ZNF674: variants seen among roughly 807,000 people sequenced by gnomAD.
ZNF674 encodes the protein zinc finger protein 674, also known as zinc finger family member 674.
A neutral mutation model predicts 7.0 loss-of-function variants in ZNF674; 2 were observed. The ratio of observed to expected loss-of-function variants is 0.29; its 90% CI spans 0.12 to 0.90. The LOEUF is 0.90. ZNF674 is among the 40% of genes least tolerant of loss of function. The probability of loss-of-function intolerance (pLI) is 0.57; values close to 1 mark genes in which losing one functional copy is unlikely to be tolerated. For synonymous variants in ZNF674, 103 were observed against 145.2 expected, an observed-to-expected ratio of 0.71 and a Z score of 2.09; for missense variants, 297 against 415.5, an observed-to-expected ratio of 0.71 and a Z score of 2.48.
intron 5 of ZNF674, among the ~76,000 whole-genome samples, chrX:46,509,066 G>T (rs1424596977): frequency 1.8e-5 from 2 of 109,262 alleles, no homozygotes; most frequent in African/African-American, 6.7e-5. Context: ...AAATGGTGCT[G>T]GGAAAACTGC....
At chrX:46,529,735 A>G (rs1281583267) in intron 3 of ZNF674, 2 of 109,737 alleles carry the variant, frequency 1.8e-5, no homozygotes, top group Non-Finnish European at 3.8e-5. Flanking sequence ...GAGAAAAGCG[A>G]CACTTAGACA....
chrX:46,506,415 G>GAA (rs34632622), intron 5 of ZNF674, among the ~76,000 whole-genome samples: 21,820 of 90,106 alleles, frequency 0.24, 2,542 homozygotes, highest in Middle Eastern at 0.37. Context: ...CTTTGCATGG[G>GAA]AAAAAAAAAA....
chrX:46,533,853 T>TACAC (rs1182034444), intron 3 of ZNF674, among the ~76,000 whole-genome samples: 2 of 73,827 alleles, frequency 2.7e-5, no homozygotes, highest in African/African-American at 1.2e-4. Flanking sequence ...TATATATATA[T>TACAC]ACACACACAC....
chrX:46,524,186 A>G (rs909295566), intron 5 of ZNF674, among the ~76,000 whole-genome samples: 2 of 112,425 alleles, frequency 1.8e-5, no homozygotes, highest in African/African-American at 6.5e-5. Context: ...AGAGGAGGAA[A>G]CACTTCCCAA....
chrX:46,506,486 G>A (rs1420542055), intron 5 of ZNF674, among the ~76,000 whole-genome samples: 1 of 111,050 alleles, frequency 9.0e-6, no homozygotes, highest in African/African-American at 3.3e-5. Flanking sequence ...TGGTGGCAGT[G>A]ATCCCATATG....
In ZNF674 at chrX:46,499,987, G is replaced by A; in HGVS notation, c.1587C>T (p.Phe529=). Residue 529 remains phenylalanine, a synonymous_variant, in exon 6 of 6, where the codon TTC becomes TTT. Transcript: ENST00000683375. ...GCACAATGAGAGTTGATTTCACACT[G>A]AAGGCCTTCCCACATTCACTACATT... is the stretch of plus-strand genomic sequence containing the variant. ...PYKCSECGKA[F]SVKSTLIVHH... The A allele has an allele frequency of 8.3e-7, 1 of 1,207,321 alleles. No homozygotes were observed.
At chrX:46,523,319 CTTTAT>C (rs768330470) in intron 5 of ZNF674, 20 of 117,168 alleles carry the variant, frequency 1.7e-4, no homozygotes, top group Admixed American at 2.9e-4. Context: ...ATGAAAAAAA[CTTTAT>C]TTTATTTTAT....
intron 1 of ZNF674, among the ~76,000 whole-genome samples, chrX:46,544,900 G>A (rs775960704): frequency 9.0e-6 from 1 of 111,427 alleles, no homozygotes; most frequent in African/African-American, 3.3e-5. Context: ...ATCCATCAGT[G>A]AACAAAATCT....
intron 5 of ZNF674, among the ~76,000 whole-genome samples, chrX:46,509,349 G>A (rs1260527999): frequency 1.9e-3 from 205 of 110,434 alleles, no homozygotes; most frequent in African/African-American, 5.0e-3. Context: ...GAGTGAACAG[G>A]AAACCTACAA....
chrX:46,545,403 G>C lies in ZNF674; in HGVS notation c.-173C>G, dbSNP rs1045376813. ...CCGACAGCCTGAAACCTCAGGGGCG[G>C]ATGACAACAGCCAGTGTGAACGAAG... On this transcript the variant is annotated 5_prime_UTR_variant, in exon 1 of 6. The change creates a new upstream start codon in the 5' untranslated region. Transcript: ENST00000683375. 2 of 112,813 alleles carry C rather than the reference G, an allele frequency of 1.8e-5. No individual in the cohort carries two copies. The highest frequency in any genetic ancestry group is 6.4e-5 in the African/African-American group (2 of 31,086). The allele number at this position is 112,813 out of a possible 1,213,427, so 9.3% of individuals were successfully genotyped here.
intron 5 of ZNF674, chrX:46,517,792 T>C (rs1040209336): frequency 9.0e-6 from 1 of 111,632 alleles, no homozygotes; most frequent in Non-Finnish European, 1.9e-5. Context: ...TATACTAAAA[T>C]TGGAACAATA....
intron 5 of ZNF674, among the ~76,000 whole-genome samples, chrX:46,519,859 C>T (rs370111574): frequency 1.8e-5 from 2 of 111,129 alleles, no homozygotes; most frequent in South Asian, 7.4e-4. Flanking sequence ...AACAGGTGAA[C>T]GGTTAAACAA....
chrX:46,518,487 T>A (rs1445539523), intron 5 of ZNF674, among the ~76,000 whole-genome samples: 1 of 110,463 alleles, frequency 9.1e-6, no homozygotes, highest in East Asian at 2.8e-4. Flanking sequence ...CACACTTCTG[T>A]AGTCCAAGCT....
intron 5 of ZNF674, among the ~76,000 whole-genome samples, chrX:46,515,743 C>T (rs186695997): frequency 1.4e-4 from 16 of 111,333 alleles, no homozygotes; most frequent in South Asian, 3.8e-4. Context: ...TGAGTAGCTA[C>T]GACTACAGGC....
At position 46,502,282 on chromosome X, in the gene ZNF674, G is replaced by C. The variant is rs1421910909; in HGVS notation, c.239-947C>G. Among the ~76,000 whole-genome samples, 8 of 89,917 alleles carry C rather than the reference G, an allele frequency of 8.9e-5. No homozygotes were observed. The East Asian group carries it at 2.9e-3, about 33-fold the overall frequency. 78.1% of individuals were successfully genotyped at this position (89,917 alleles called of 115,157 possible). A position where few individuals can be genotyped will look rare whatever the true frequency, so the allele number is the denominator to read the frequency against. ...GATCCCACCACTGCACCCCAGCCTA[G>C]GTGACAGAGCAAGACTCCGTCTCAA... On this transcript the variant is annotated intron_variant, in intron 5 of 5. Transcript: ENST00000683375.
Position 46,500,297 on chromosome X carries a change from T to C in ZNF674, c.1277A>G (p.His426Arg). Residue 426 changes from histidine to arginine, a missense_variant, in exon 6 of 6, where the codon CAT becomes CGT. Physicochemically the swap from His to Arg is conservative, Grantham distance 29. Transcript: ENST00000683375. Reference sequence around the variant, plus strand: ...TTTCTCTCCTGTATGAGTTCTATGATGGACAGAGAGGTGTGACTTTCCACT... The same window carrying C: ...TTTCTCTCCTGTATGAGTTCTATGACGGACAGAGAGGTGTGACTTTCCACT... ...TFSGKSHLSV[H>R]HRTHTGEKPY... The C allele has an allele frequency of 8.3e-7, 1 of 1,211,054 alleles. No homozygotes were observed. The highest frequency in any genetic ancestry group is 1.1e-6 in the Non-Finnish European group (1 of 894,623).
At chrX:46,504,720 T>C (rs1287708110) in intron 5 of ZNF674, among the ~76,000 whole-genome samples, 2 of 110,693 alleles carry the variant, frequency 1.8e-5, no homozygotes, top group East Asian at 5.6e-4. Context: ...TACAAATATA[T>C]GTAGCAAAAG....
In ZNF674 at chrX:46,501,171, T is replaced by G; in HGVS notation, c.403A>C (p.Lys135Gln). The G allele has an allele frequency of 3.3e-6, 4 of 1,209,437 alleles. No individual in the cohort carries two copies. The highest frequency in any genetic ancestry group is 4.5e-6 in the Non-Finnish European group (4 of 894,245). Reference protein sequence around the residue: ...IYLNTDFVSVKQRLPKYYSWE... With the variant: ...IYLNTDFVSVQQRLPKYYSWE... ...GAATAATATTTAGGGAGTCTTTGTT[T>G]TACAGAAACAAAGTCTGTGTTGAGA... Residue 135 changes from lysine (K) to glutamine (Q), a missense_variant, in exon 6 of 6, where the codon AAA becomes CAA. Lys to Gln is a moderately conservative substitution (Grantham distance 53, BLOSUM62 1). Transcript: ENST00000683375.
chrX:46,528,071 C>T, intron 5 of ZNF674: 1 of 425,079 alleles, frequency 2.4e-6, no homozygotes, highest in Non-Finnish European at 4.1e-6. Flanking sequence ...GGGCTTGGCA[C>T]TTCTCACTAA....
Sources: gnomAD v4.1 joint callset for allele counts (sites outside exome capture counted in the v4.1 genomes callset) on GRCh38, gnomAD v4.1.1 for gene constraint, MANE v1.5 for transcripts, NCBI Gene and HGNC (gene_info 2026-07-23, HGNC 2026-07-21) for gene names.